PIEZO1: variants seen among roughly 807,000 people sequenced by gnomAD.
The protein encoded by PIEZO1 is piezo-type mechanosensitive ion channel component 1.
A neutral mutation model predicts 297.2 loss-of-function variants in PIEZO1; 296 were observed. The ratio of observed to expected loss-of-function variants is 1.00; its 90% CI spans 0.91 to 1.10. The LOEUF (loss-of-function observed/expected upper bound fraction) is 1.10, where lower values mean the gene tolerates loss of function less well. PIEZO1 is among the 50% of genes least tolerant of loss of function. The pLI is 0.00. For missense variants in PIEZO1, 5,018 were observed against 3,455.5 expected (o/e 1.45, Z -11.34); for synonymous variants, 2,427 against 1,507.5 (o/e 1.61, Z -14.13).
intron 5 of PIEZO1, chr16:88,739,626 C>G (rs1007052276): frequency 5.2e-5 from 8 of 152,454 alleles, no homozygotes; most frequent in African/African-American, 1.9e-4. Flanking sequence ...CCCCTTCTGT[C>G]AAATGGGATG....
At position 88,735,021 on chromosome 16, in the gene PIEZO1, G is replaced by A. The variant is rs114584865; in HGVS notation, c.1702C>T (p.Leu568=). The A allele has an allele frequency of 1.3e-3, 2,067 of 1,550,490 alleles. 27 individuals carry two copies. In the African/African-American group the frequency reaches 0.025, roughly 19 times the overall value. ...PTRTQTLLQS[L]GELVKGVYAK... Reference sequence around the variant, plus strand: ...TACACGCCCTTCACCAGCTCCCCCAGGCTCTGCAACAGCGTCTGCGTCCGC... The same window carrying A: ...TACACGCCCTTCACCAGCTCCCCCAAGCTCTGCAACAGCGTCTGCGTCCGC... The change falls in exon 14 of 51, where the codon CTG becomes TTG. Residue 568 remains leucine (L), a synonymous_variant. Coordinates refer to ENST00000301015, the MANE Select transcript of PIEZO1 (RefSeq NM_001142864.4).
rs1298074519 is a variant in PIEZO1, at chr16:88,723,171, G to A, written c.4439-20C>T. On this transcript the variant is annotated intron_variant, in intron 32 of 50. Transcript: ENST00000301015. ...CACCTCCTGGGCACAGGATGCTGGTGAGTGACTGGCAGTCCCGCGGCTTCC... is the reference window on the plus strand; with the variant it reads ...CACCTCCTGGGCACAGGATGCTGGTAAGTGACTGGCAGTCCCGCGGCTTCC... 1.9e-6 allele frequency: 3 copies of A among 1,549,470 alleles called. No homozygotes were observed. Among genetic ancestry groups the A allele is most frequent in the African/African-American group, 2.7e-5 (2 of 73,152 alleles).
rs774527971 is a variant in PIEZO1, at chr16:88,732,577, G to T, written c.2790+30C>A. 2.6e-6 allele frequency: 4 copies of T among 1,542,802 alleles called. No homozygotes were observed. The South Asian group carries it at 4.8e-5, about 18-fold the overall frequency. On this transcript the variant is annotated intron_variant, in intron 20 of 50. Coordinates refer to ENST00000301015, the MANE Select transcript of PIEZO1 (RefSeq NM_001142864.4). ...TCAGGGGGCAGCCGGGTACTCGCCC[G>T]CCCAGCCGCCCACCAGCCCTTCAAC...
intron 5 of PIEZO1, chr16:88,738,993 T>A (rs1463247854): frequency 1.8e-6 from 1 of 561,044 alleles, no homozygotes; most frequent in Non-Finnish European, 3.2e-6. Context: ...AGACCCAGGG[T>A]CTGTCCTGCC....
intron 1 of PIEZO1, among the ~76,000 whole-genome samples, chr16:88,779,917 G>A (rs1340854495): frequency 6.6e-6 from 1 of 152,240 alleles, no homozygotes; most frequent in East Asian, 1.9e-4. Context: ...GGGGACGGCT[G>A]TCCCGCCCCT....
chr16:88,723,988 C>T lies in PIEZO1; in HGVS notation c.4235-17G>A. 1 of 1,455,266 alleles carries T rather than the reference C, an allele frequency of 6.9e-7. No individual in the cohort carries two copies. Among genetic ancestry groups the T allele is most frequent in the South Asian group, 1.2e-5 (1 of 82,138 alleles). 90.1% of individuals were successfully genotyped at this position (1,455,266 alleles called of 1,614,324 possible). ...AGTGGATGACTGTGGGCAGGCAGCA[C>T]TGAGAGCCAGCCTTCCATGCAGGGA... On this transcript the variant is annotated splice_polypyrimidine_tract_variant and intron_variant, in intron 30 of 50. Coordinates refer to ENST00000301015, the MANE Select transcript of PIEZO1 (RefSeq NM_001142864.4).
At chr16:88,733,517 TGGG>T in intron 18 of PIEZO1, 63 bp from the exon 19 acceptor site, 1 of 1,530,062 alleles carries the variant, frequency 6.5e-7, no homozygotes, top group Non-Finnish European at 8.8e-7. Flanking sequence ...GGGCTGGGCT[TGGG>T]GAGGCCAGCT....
intron 44 of PIEZO1, 30 bp downstream of exon 44, chr16:88,719,544 T>G (rs770140103): frequency 2.6e-6 from 4 of 1,543,214 alleles, no homozygotes; most frequent in Non-Finnish European, 3.5e-6. Flanking sequence ...CCCTGGCCCT[T>G]GTCCCGGCCC....
intron 39 of PIEZO1, 142 bp from the exon 40 acceptor site, chr16:88,720,890 A>C (rs1912390720): frequency 9.5e-7 from 1 of 1,057,598 alleles, no homozygotes; most frequent in Admixed American, 3.0e-5. Context: ...TGTCACTGGC[A>C]AGGAGACAGC....
In PIEZO1 at chr16:88,742,427, G is replaced by A. The variant is rs1344387098; in HGVS notation, c.161-5C>T. 35 of 1,534,154 alleles carry A rather than the reference G, an allele frequency of 2.3e-5. No homozygotes were observed. Among genetic ancestry groups the A allele is most frequent in the African/African-American group, 8.2e-5 (6 of 72,978 alleles). On this transcript the variant is annotated splice_polypyrimidine_tract_variant and splice_region_variant and intron_variant, in intron 2 of 50. Coordinates refer to ENST00000301015, the MANE Select transcript of PIEZO1 (RefSeq NM_001142864.4). ...GCAGGAGGCGGCCTGTGTGACCTGC[G>A]GCAGAGCGAGTGGGTGAGGCTGGTC...
intron 7 of PIEZO1, 38 bp downstream of exon 7, chr16:88,738,189 G>C (rs1011304402): frequency 2.0e-6 from 3 of 1,533,648 alleles, no homozygotes; most frequent in Admixed American, 2.0e-5. Flanking sequence ...GGCGGGACCA[G>C]GGTGGCAGGA....
At chr16:88,737,396 G>T in intron 10 of PIEZO1, 163 bp downstream of exon 10, 1 of 581,936 alleles carries the variant, frequency 1.7e-6, no homozygotes, top group Non-Finnish European at 3.0e-6. Flanking sequence ...TGGGGGTCTC[G>T]GGGGTCACTG....
At chr16:88,742,145 C>T (rs1422970481) in intron 3 of PIEZO1, 50 bp from the exon 4 acceptor site, 5 of 1,532,020 alleles carry the variant, frequency 3.3e-6, no homozygotes, top group East Asian at 4.9e-5. Context: ...CAGCCAGCAC[C>T]GTGGCCTGGT....
intron 5 of PIEZO1, chr16:88,738,980 C>G (rs889255307): frequency 3.5e-6 from 2 of 571,594 alleles, no homozygotes; most frequent in East Asian, 2.9e-5. Flanking sequence ...CCACCCTGGC[C>G]GAAGACCCAG....
chr16:88,730,495 G>C (rs1904728567), intron 22 of PIEZO1, among the ~76,000 whole-genome samples: 1 of 151,686 alleles, frequency 6.6e-6, no homozygotes, highest in Non-Finnish European at 1.5e-5. Context: ...CCACGAGGGA[G>C]GCTGAGACAG....
intron 1 of PIEZO1, among the ~76,000 whole-genome samples, chr16:88,759,330 G>A (rs1906817952): frequency 6.6e-6 from 1 of 152,208 alleles, no homozygotes; most frequent in African/African-American, 2.4e-5. Context: ...GCTCTGAAAG[G>A]GGCCGGGTGA....
rs917866420 is a variant in PIEZO1 at position 88,731,848 on chromosome 16, G to A, written c.3054C>T (p.His1018=). 30 of 1,382,922 alleles carry A rather than the reference G, an allele frequency of 2.2e-5. No homozygotes were observed. The highest frequency in any genetic ancestry group is 7.4e-5 in the African/African-American group (3 of 40,670). The allele number at this position is 1,382,922 out of a possible 1,614,324, so 85.7% of individuals were successfully genotyped here. A position where few individuals can be genotyped will look rare whatever the true frequency, so the allele number is the denominator to read the frequency against. ...GQRMNFLVTL[H]GCWLVAILTR... ...TGAGGATGGCCACCAGCCAGCAACC[G>A]TGCAGGGTCACCAGAAAGTTCATGC... is the stretch of plus-strand genomic sequence containing the variant. Residue 1018 remains histidine (H), a synonymous_variant, in exon 22 of 51, where the codon CAC becomes CAT. Transcript: ENST00000301015.
intron 10 of PIEZO1, chr16:88,737,223 G>A (rs1196177141): frequency 1.9e-5 from 5 of 264,922 alleles, no homozygotes; most frequent in Non-Finnish European, 2.9e-5. Context: ...GCCACCTGGA[G>A]CAGCTCCCAG....
rs754475812 is a variant in PIEZO1 at position 88,720,696 on chromosome 16, C to T, written c.5721G>A (p.Thr1907=). The change falls in exon 40 of 51, where the codon ACG becomes ACA. Residue 1907 remains threonine (T), a synonymous_variant. Transcript: ENST00000301015. ...EEGEEEKEAP[T]GREKRPSRSG... ...AGCGGCTTGGCCTCTTCTCTCTCCCCGTGGGGGCCTCTTTCTCTTCCTCCC... is the reference window on the plus strand; with the variant it reads ...AGCGGCTTGGCCTCTTCTCTCTCCCTGTGGGGGCCTCTTTCTCTTCCTCCC... The T allele has an allele frequency of 4.2e-5, 64 of 1,537,594 alleles. No homozygotes were observed. The African/African-American group carries it at 4.8e-4, about 12-fold the overall frequency.
Sources: gnomAD v4.1 joint callset for allele counts (sites outside exome capture counted in the v4.1 genomes callset) on GRCh38, gnomAD v4.1.1 for gene constraint, MANE v1.5 for transcripts, NCBI Gene and HGNC (gene_info 2026-07-23, HGNC 2026-07-21) for gene names.